Variants in AGBL1 observed in about 807,000 individuals in gnomAD.
AGBL1 encodes the protein cytosolic carboxypeptidase 4.
Under a neutral mutation model 118.9 loss-of-function variants are expected in AGBL1, and 130 were observed. The observed-to-expected ratio is 1.09, with a 90% CI of 0.95 to 1.26. AGBL1 has a LOEUF of 1.26. Among genes scored for constraint, AGBL1 ranks in the 50% most tolerant of loss-of-function variants. AGBL1 has a pLI of 0.00. For synonymous variants in AGBL1, 555 were observed against 478.9 expected, an observed-to-expected ratio of 1.16 and a Z score of -2.08; for missense variants, 1,584 against 1,298.1, an observed-to-expected ratio of 1.22 and a Z score of -3.38.
chr15:86,087,322 A>G (rs1895724261), intron 1 of AGBL1, among the ~76,000 whole-genome samples: 1 of 147,132 alleles, frequency 6.8e-6, no homozygotes, highest in Non-Finnish European at 1.5e-5. Flanking sequence ...GCATTGTCTC[A>G]TTTAATGGGC....
chr15:86,174,982 T>C (rs1187706104), intron 5 of AGBL1, among the ~76,000 whole-genome samples: 2 of 152,092 alleles, frequency 1.3e-5, no homozygotes, highest in East Asian at 3.9e-4. Flanking sequence ...TGTTGTATCC[T>C]TGTTTCGTTT....
chr15:86,657,417 T>A (rs2142508369), intron 21 of AGBL1, among the ~76,000 whole-genome samples: 1 of 152,304 alleles, frequency 6.6e-6, no homozygotes, highest in Non-Finnish European at 1.5e-5. Context: ...AATTTATTTA[T>A]ACCCAGCCTC....
At chr15:86,886,753 C>T (rs941724038) in intron 22 of AGBL1, among the ~76,000 whole-genome samples, 4 of 152,112 alleles carry the variant, frequency 2.6e-5, no homozygotes, top group African/African-American at 9.7e-5. Context: ...GATGGCATTC[C>T]AGCTAGAGTC....
At chr15:86,577,802 G>A (rs891581159) in intron 21 of AGBL1, among the ~76,000 whole-genome samples, 5 of 150,914 alleles carry the variant, frequency 3.3e-5, no homozygotes, top group Admixed American at 3.3e-4. Context: ...GCTTCCACGT[G>A]GTGTTGAGCC....
intron 22 of AGBL1, among the ~76,000 whole-genome samples, chr15:86,749,618 G>A (rs986746689): frequency 6.6e-6 from 1 of 152,150 alleles, no homozygotes; most frequent in Admixed American, 6.6e-5. Context: ...TCCAGTTTTT[G>A]CCCATTCAGT....
At chr15:86,353,244 TGCC>T (rs2080660023) in intron 17 of AGBL1, among the ~76,000 whole-genome samples, 2 of 152,194 alleles carry the variant, frequency 1.3e-5, no homozygotes, top group South Asian at 4.1e-4. Context: ...TTCAGGCTGT[TGCC>T]AGGAAAAGAG....
intron 1 of AGBL1, chr15:86,088,040 A>G (rs1308094280): frequency 6.6e-6 from 1 of 152,346 alleles, no homozygotes; most frequent in Non-Finnish European, 1.5e-5. Flanking sequence ...TGTAGGCCAT[A>G]CAGGGGATCC....
chr15:86,862,202 A>G (rs991095582), intron 22 of AGBL1, among the ~76,000 whole-genome samples: 1 of 152,200 alleles, frequency 6.6e-6, no homozygotes, highest in African/African-American at 2.4e-5. Flanking sequence ...AATGTTACTT[A>G]TAGGTCATTG....
At chr15:86,242,355 G>C (rs542171254) in intron 6 of AGBL1, among the ~76,000 whole-genome samples, 1 of 152,120 alleles carries the variant, frequency 6.6e-6, no homozygotes, top group Non-Finnish European at 1.5e-5. Context: ...ACCAGGCATC[G>C]AGCCATCTAC....
chr15:86,994,629 T>C (rs2081364092), intron 24 of AGBL1, among the ~76,000 whole-genome samples: 1 of 152,168 alleles, frequency 6.6e-6, no homozygotes, highest in African/African-American at 2.4e-5. Flanking sequence ...TGCTTCTTTA[T>C]CATAAAAGAG....
At chr15:86,834,260 C>G (rs1027361641) in intron 22 of AGBL1, among the ~76,000 whole-genome samples, 1 of 151,276 alleles carries the variant, frequency 6.6e-6, no homozygotes, top group African/African-American at 2.5e-5. Context: ...GAGTTCAGTC[C>G]CTATAGGGAT....
rs869042604 is a variant in AGBL1 at position 86,825,387 on chromosome 15, T to TAAAAAAAAAAAAAAAAAAAAAAAA, written c.3159-81687_3159-81664dup. Among the ~76,000 whole-genome samples, 7 of 11,148 alleles carry TAAAAAAAAAAAAAAAAAAAAAAAA rather than the reference T, an allele frequency of 6.3e-4. 1 individual carries two copies. Among genetic ancestry groups the TAAAAAAAAAAAAAAAAAAAAAAAA allele is most frequent in the Non-Finnish European group, 8.0e-4 (6 of 7,488 alleles). The allele number at this position is 11,148 out of a possible 152,430, so 7.3% of individuals were successfully genotyped here. A position where few individuals can be genotyped will look rare whatever the true frequency, so the allele number is the denominator to read the frequency against. ...AGTTGAAAAGACAAGGTAGAAACTG[T>TAAAAAAAAAAAAAAAAAAAAAAAA]AAAAAAAAAAAAAAAAAAAAAAAAA... On this transcript the variant is annotated intron_variant, in intron 22 of 22. Coordinates refer to ENST00000614907, the MANE Select transcript of AGBL1 (RefSeq NM_001386094.1).
At chr15:86,212,575 C>G (rs142958535) in intron 5 of AGBL1, among the ~76,000 whole-genome samples, 1 of 152,336 alleles carries the variant, frequency 6.6e-6, no homozygotes, top group East Asian at 1.9e-4. Context: ...CTGGAGTTCT[C>G]TGAGAGATTA....
intron 23 of AGBL1, among the ~76,000 whole-genome samples, chr15:86,959,848 G>C (rs1225141035): frequency 6.6e-6 from 1 of 151,924 alleles, no homozygotes; most frequent in Non-Finnish European, 1.5e-5. Flanking sequence ...TCTATTTCCA[G>C]GTCAGATTTA....
At chr15:86,289,903 A>T (rs1358910658) in intron 16 of AGBL1, among the ~76,000 whole-genome samples, 2 of 152,176 alleles carry the variant, frequency 1.3e-5, no homozygotes, top group Non-Finnish European at 2.9e-5. Flanking sequence ...GCATCTTTGG[A>T]GGGCCATTAT....
intron 17 of AGBL1, among the ~76,000 whole-genome samples, chr15:86,381,186 A>C (rs1197908224): frequency 1.3e-5 from 2 of 152,182 alleles, no homozygotes; most frequent in Non-Finnish European, 2.9e-5. Context: ...CTATTTGGCT[A>C]TGGATGATAT....
At chr15:86,607,233 T>C (rs889783335) in intron 21 of AGBL1, among the ~76,000 whole-genome samples, 1 of 152,210 alleles carries the variant, frequency 6.6e-6, no homozygotes, top group African/African-American at 2.4e-5. Flanking sequence ...CTTTGATTGC[T>C]TCCAAGCTTT....
At chr15:86,965,453 A>G (rs547676295) in intron 23 of AGBL1, among the ~76,000 whole-genome samples, 5 of 152,060 alleles carry the variant, frequency 3.3e-5, no homozygotes, top group East Asian at 1.9e-4. Context: ...TTATCTGTTC[A>G]TATCCTTTGC....
In AGBL1 at chr15:86,914,185, G is replaced by A. The variant is rs1191038676; in HGVS notation, c.*6891G>A. On this transcript the variant is annotated 3_prime_UTR_variant, in exon 23 of 23. Coordinates refer to ENST00000614907, the MANE Select transcript of AGBL1 (RefSeq NM_001386094.1). ...GACAGGTCTGCCATCCAAACATCCA[G>A]GGTATGGGGGTTAAATGAATGAATG... 6.6e-6 allele frequency: 1 copy of A among 152,146 alleles called. No individual in the cohort carries two copies. Among genetic ancestry groups the A allele is most frequent in the African/African-American group, 2.4e-5 (1 of 41,420 alleles). 9.4% of individuals were successfully genotyped at this position (152,146 alleles called of 1,614,324 possible). A position where few individuals can be genotyped will look rare whatever the true frequency, so the allele number is the denominator to read the frequency against.
Sources: allele counts gnomAD v4.1 joint callset (sites outside exome capture counted in the v4.1 genomes callset), GRCh38; gene constraint gnomAD v4.1.1; transcripts MANE v1.5; gene names NCBI Gene and HGNC (gene_info 2026-07-23, HGNC 2026-07-21).